The following SEPHS1 variants were observed in gnomAD, a reference collection of about 807,000 sequenced individuals.
The protein encoded by SEPHS1 is zincore component SEPHS1.
SEPHS1 carries 7 observed loss-of-function variants against 39.2 expected under a neutral mutation model. The observed-to-expected ratio is 0.18, with a 90% CI of 0.10 to 0.34. The LOEUF (loss-of-function observed/expected upper bound fraction) is 0.34, where lower values mean the gene tolerates loss of function less well. SEPHS1 is among the 10% of genes least tolerant of loss of function. SEPHS1 has a pLI of 1.00. For synonymous variants in SEPHS1, 190 were observed against 195.5 expected, an observed-to-expected ratio of 0.97 and a Z score of 0.23; for missense variants, 253 against 514.5, an observed-to-expected ratio of 0.49 and a Z score of 4.92.
intron 4 of SEPHS1, 146 bp from the exon 5 acceptor site, chr10:13,334,117 GC>G: frequency 5.6e-6 from 4 of 716,494 alleles, no homozygotes; most frequent in Non-Finnish European, 9.0e-6. Context: ...GTTGTTAGGG[GC>G]CAGGCATAAT....
At chr10:13,319,384 T>C (rs775540146) in intron 8 of SEPHS1, 28 bp from the exon 9 acceptor site, 1 of 1,609,200 alleles carries the variant, frequency 6.2e-7, no homozygotes, top group Non-Finnish European at 8.5e-7. Flanking sequence ...GAATGACTGT[T>C]AGTGTTGACA....
chr10:13,344,723 A>T (rs751879841), intron 2 of SEPHS1, 35 bp downstream of exon 2: 6 of 1,402,290 alleles, frequency 4.3e-6, no homozygotes, highest in Non-Finnish European at 5.7e-6. Flanking sequence ...CACTGATTGG[A>T]TCGCAGACCA....
At chr10:13,319,768 C>T (rs1024666643) in intron 8 of SEPHS1, among the ~76,000 whole-genome samples, 1 of 152,210 alleles carries the variant, frequency 6.6e-6, no homozygotes, top group South Asian at 2.1e-4. Flanking sequence ...GAATGAACCA[C>T]CACTCCCAGC....
Position 13,318,943 on chromosome 10 carries a change from T to C in SEPHS1, c.*199A>G. On this transcript the variant is annotated 3_prime_UTR_variant, in exon 9 of 9. Transcript: ENST00000327347. ...TCTCAACTCAGAAGCTGCCTCAAGA[T>C]TAGGTGCATCTTCAGTTAATGTAAC... The C allele has an allele frequency of 1.7e-6, 1 of 572,518 alleles. No homozygotes were observed. 35.5% of individuals were successfully genotyped at this position (572,518 alleles called of 1,614,324 possible).
At chr10:13,344,611 G>T in intron 2 of SEPHS1, 147 bp downstream of exon 2, 1 of 536,196 alleles carries the variant, frequency 1.9e-6, no homozygotes, top group African/African-American at 2.0e-5. Context: ...ATATATTCAT[G>T]TAACAAAACT....
chr10:13,327,678 C>T (rs924020555), intron 7 of SEPHS1, among the ~76,000 whole-genome samples: 2 of 152,132 alleles, frequency 1.3e-5, no homozygotes, highest in African/African-American at 4.8e-5. Context: ...AAAAGCTGAG[C>T]CAGTACTGAT....
chr10:13,328,754 C>T (rs142889972), intron 6 of SEPHS1, among the ~76,000 whole-genome samples: 1 of 152,292 alleles, frequency 6.6e-6, no homozygotes, highest in Non-Finnish European at 1.5e-5. Flanking sequence ...TAGTGTCCTG[C>T]TAGTGGAGAA....
At chr10:13,343,025 G>A (rs569207381) in intron 2 of SEPHS1, among the ~76,000 whole-genome samples, 18 of 152,200 alleles carry the variant, frequency 1.2e-4, no homozygotes, top group South Asian at 4.2e-4. Flanking sequence ...GTGAGCCACC[G>A]CACCCAACCC....
intron 2 of SEPHS1, among the ~76,000 whole-genome samples, chr10:13,343,856 C>A (rs1320861513): frequency 6.6e-6 from 1 of 152,082 alleles, no homozygotes; most frequent in Non-Finnish European, 1.5e-5. Context: ...CAGTAATTAT[C>A]GAACATCCAA....
chr10:13,335,070 C>G (rs79750847), intron 4 of SEPHS1, among the ~76,000 whole-genome samples: 1,805 of 152,360 alleles, frequency 0.012, 11 homozygotes, highest in Middle Eastern at 0.017. Context: ...CTACTGGAAA[C>G]TCAAGTTTCT....
chr10:13,345,036 T>A lies in SEPHS1; in HGVS notation c.-78-8A>T, dbSNP rs1331420657. On this transcript the variant is annotated splice_polypyrimidine_tract_variant and splice_region_variant and intron_variant, in intron 1 of 8. Transcript: ENST00000327347. The stretch of plus-strand genomic sequence containing the variant: ...GGTTCTTTATGGATCCACCTGGGTG[T>A]CACCAAAACACAAAGATGCCATGAA... 3 of 1,190,406 alleles carry A rather than the reference T, an allele frequency of 2.5e-6. No individual in the cohort carries two copies. In the African/African-American group the frequency reaches 4.7e-5, roughly 19 times the overall value. 73.7% of individuals were successfully genotyped at this position (1,190,406 alleles called of 1,614,324 possible). A position where few individuals can be genotyped will look rare whatever the true frequency, so the allele number is the denominator to read the frequency against.
intron 8 of SEPHS1, chr10:13,321,923 G>T: frequency 3.0e-6 from 1 of 331,866 alleles, no homozygotes; most frequent in Admixed American, 4.3e-5. Flanking sequence ...AAATGATAAG[G>T]GATATAAAAG....
At chr10:13,335,378 T>C (rs761650470) in intron 4 of SEPHS1, among the ~76,000 whole-genome samples, 8 of 152,160 alleles carry the variant, frequency 5.3e-5, no homozygotes, top group Middle Eastern at 3.2e-3. Context: ...TTTTAAAAAA[T>C]GCACAGGTCG....
At chr10:13,323,725 T>G (rs1833179148) in intron 7 of SEPHS1, among the ~76,000 whole-genome samples, 1 of 151,916 alleles carries the variant, frequency 6.6e-6, no homozygotes, top group Non-Finnish European at 1.5e-5. Context: ...GCGTGCAAGT[T>G]TATTTTTAAA....
intron 7 of SEPHS1, among the ~76,000 whole-genome samples, chr10:13,325,227 CCCAAAG>C (rs1166578717): frequency 6.6e-6 from 1 of 152,172 alleles, no homozygotes. Context: ...CATCACCAAA[CCCAAAG>C]CCACCTCAAT....
At chr10:13,328,777 C>T (rs555497277) in intron 6 of SEPHS1, among the ~76,000 whole-genome samples, 16 of 152,314 alleles carry the variant, frequency 1.1e-4, no homozygotes, top group African/African-American at 3.1e-4. Context: ...GCTCCCCCAT[C>T]CGTGACACTC....
intron 1 of SEPHS1, among the ~76,000 whole-genome samples, chr10:13,345,713 C>G (rs939759360): frequency 6.6e-6 from 1 of 151,998 alleles, no homozygotes; most frequent in Non-Finnish European, 1.5e-5. Context: ...CCCGTCTCTA[C>G]TAAAAATACA....
At chr10:13,323,152 G>T (rs913897174) in intron 7 of SEPHS1, 105 bp from the exon 8 acceptor site, 2 of 880,600 alleles carry the variant, frequency 2.3e-6, no homozygotes, top group Non-Finnish European at 1.8e-6. Context: ...GGGAGATGAC[G>T]TATCGGAATA....
chr10:13,341,508 A>C (rs1003731794), intron 2 of SEPHS1, among the ~76,000 whole-genome samples: 7 of 150,108 alleles, frequency 4.7e-5, no homozygotes, highest in African/African-American at 1.7e-4. Flanking sequence ...ACCAGGCAAC[A>C]AATGTCTCTG....
Sources: allele counts gnomAD v4.1 joint callset (sites outside exome capture counted in the v4.1 genomes callset), GRCh38; gene constraint gnomAD v4.1.1; transcripts MANE v1.5; gene names NCBI Gene and HGNC (gene_info 2026-07-23, HGNC 2026-07-21).